ZSWIM5: variants seen among roughly 807,000 people sequenced by gnomAD.
The protein encoded by ZSWIM5 is zinc finger SWIM-type containing 5.
A neutral mutation model predicts 119.6 loss-of-function variants in ZSWIM5; 55 were observed. The ratio of observed to expected loss-of-function variants is 0.46; its 90% CI spans 0.37 to 0.58. The LOEUF is 0.58. Ranked by LOEUF, ZSWIM5 falls within the 20% of genes least tolerant of loss-of-function variation. The pLI, the probability that ZSWIM5 is intolerant of heterozygous loss-of-function variation, is 0.00. For missense variants in ZSWIM5, 1,193 were observed against 1,512.8 expected (o/e 0.79, Z 3.51); for synonymous variants, 537 against 606.9 (o/e 0.88, Z 1.69).
intron 1 of ZSWIM5, among the ~76,000 whole-genome samples, chr1:45,194,172 G>A (rs1332448617): frequency 1.3e-5 from 2 of 152,080 alleles, no homozygotes; most frequent in East Asian, 3.8e-4. Context: ...ATAAGAACAA[G>A]CTGGCTTTTC....
intron 1 of ZSWIM5, among the ~76,000 whole-genome samples, chr1:45,118,653 G>A (rs575394455): frequency 6.0e-5 from 9 of 150,498 alleles, no homozygotes; most frequent in African/African-American, 1.9e-4. Context: ...GAGGTGGTAG[G>A]ATCACCTGAG....
chr1:45,089,507 C>T (rs1645351486), intron 1 of ZSWIM5, among the ~76,000 whole-genome samples: 1 of 152,152 alleles, frequency 6.6e-6, no homozygotes, highest in Non-Finnish European at 1.5e-5. Context: ...TACTATTTTC[C>T]TTAAAGGTAT....
At chr1:45,194,340 G>A (rs1646109630) in intron 1 of ZSWIM5, among the ~76,000 whole-genome samples, 1 of 152,058 alleles carries the variant, frequency 6.6e-6, no homozygotes, top group Admixed American at 6.5e-5. Flanking sequence ...TTCCTGATTA[G>A]TTCCATTGTA....
chr1:45,184,545 G>A (rs1350146613), intron 1 of ZSWIM5, among the ~76,000 whole-genome samples: 1 of 152,186 alleles, frequency 6.6e-6, no homozygotes, highest in Non-Finnish European at 1.5e-5. Context: ...AGCAACTCCA[G>A]CAAAGTCTCA....
chr1:45,119,353 TTA>T (rs1388304054), intron 1 of ZSWIM5, among the ~76,000 whole-genome samples: 1 of 152,146 alleles, frequency 6.6e-6, no homozygotes, highest in African/African-American at 2.4e-5. Flanking sequence ...TGTGAAATAA[TTA>T]TAAAATCCAC....
intron 2 of ZSWIM5, among the ~76,000 whole-genome samples, chr1:45,075,416 T>C (rs1473406752): frequency 1.3e-5 from 2 of 152,216 alleles, no homozygotes; most frequent in Non-Finnish European, 2.9e-5. Context: ...TTTACAATTG[T>C]TATATTCTCT....
chr1:45,171,413 A>G (rs1645945271), intron 1 of ZSWIM5, among the ~76,000 whole-genome samples: 1 of 152,094 alleles, frequency 6.6e-6, no homozygotes, highest in Non-Finnish European at 1.5e-5. Flanking sequence ...CAGAAAATCA[A>G]TTGAATTTGA....
intron 2 of ZSWIM5, among the ~76,000 whole-genome samples, chr1:45,084,138 G>A (rs781124642): frequency 2.0e-5 from 3 of 152,114 alleles, no homozygotes; most frequent in Admixed American, 6.5e-5. Flanking sequence ...TCAAACTCCT[G>A]TGTGCAAGCA....
intron 1 of ZSWIM5, among the ~76,000 whole-genome samples, chr1:45,177,271 C>T (rs978577954): frequency 6.6e-6 from 1 of 152,004 alleles, no homozygotes; most frequent in Admixed American, 6.6e-5. Flanking sequence ...GTACTGAATG[C>T]TTGTTCTTAT....
chr1:45,069,100 T>A (rs765418236), intron 2 of ZSWIM5, among the ~76,000 whole-genome samples: 1 of 151,830 alleles, frequency 6.6e-6, no homozygotes, highest in South Asian at 2.1e-4. Flanking sequence ...GCGTGAACCA[T>A]CCCACCCAGT....
intron 4 of ZSWIM5, among the ~76,000 whole-genome samples, chr1:45,052,357 A>C (rs1020119982): frequency 6.6e-6 from 1 of 152,152 alleles, no homozygotes; most frequent in African/African-American, 2.4e-5. Context: ...ATCCTTTAGG[A>C]TGTAGTTACA....
chr1:45,034,866 C>T (rs764274462), intron 10 of ZSWIM5, among the ~76,000 whole-genome samples: 5 of 152,138 alleles, frequency 3.3e-5, no homozygotes, highest in South Asian at 4.2e-4. Flanking sequence ...ACTGCAGCCC[C>T]GACCTCCCAG....
At chr1:45,069,187 G>C (rs994463675) in intron 2 of ZSWIM5, among the ~76,000 whole-genome samples, 14 of 152,050 alleles carry the variant, frequency 9.2e-5, no homozygotes, top group African/African-American at 3.1e-4. Context: ...AGCACTTTGG[G>C]AGGCCGAGGT....
intron 1 of ZSWIM5, among the ~76,000 whole-genome samples, chr1:45,181,021 G>C (rs1251188493): frequency 6.6e-6 from 1 of 152,148 alleles, no homozygotes; most frequent in Admixed American, 6.6e-5. Context: ...CTAAAAAGCA[G>C]AGCGCCTCTC....
intron 1 of ZSWIM5, among the ~76,000 whole-genome samples, chr1:45,140,159 C>T (rs535367055): frequency 9.9e-5 from 15 of 152,208 alleles, no homozygotes; most frequent in African/African-American, 2.2e-4. Context: ...TGAAAGTAGA[C>T]GGTGCTAAAG....
intron 2 of ZSWIM5, among the ~76,000 whole-genome samples, chr1:45,081,723 C>G (rs765001420): frequency 6.6e-6 from 1 of 152,044 alleles, no homozygotes; most frequent in Non-Finnish European, 1.5e-5. Flanking sequence ...AGCCTCTGCC[C>G]GGCCGCCACC....
intron 1 of ZSWIM5, among the ~76,000 whole-genome samples, chr1:45,179,429 A>T (rs984998886): frequency 3.9e-5 from 6 of 152,120 alleles, no homozygotes; most frequent in African/African-American, 1.4e-4. Flanking sequence ...AACAACAGAC[A>T]CTGATGAATA....
At chr1:45,073,626 T>G (rs1037843897) in intron 2 of ZSWIM5, among the ~76,000 whole-genome samples, 6 of 151,882 alleles carry the variant, frequency 4.0e-5, no homozygotes, top group African/African-American at 1.5e-4. Flanking sequence ...TTCTAATAGT[T>G]TTTTGGTGGA....
At chr1:45,148,915 A>T (rs1645778487) in intron 1 of ZSWIM5, among the ~76,000 whole-genome samples, 1 of 152,222 alleles carries the variant, frequency 6.6e-6, no homozygotes, top group African/African-American at 2.4e-5. Context: ...TTGTATCAAC[A>T]CACCATAAGA....
Sources: gnomAD v4.1 joint callset for allele counts (sites outside exome capture counted in the v4.1 genomes callset) on GRCh38, gnomAD v4.1.1 for gene constraint, MANE v1.5 for transcripts, NCBI Gene and HGNC (gene_info 2026-07-23, HGNC 2026-07-21) for gene names.